The following RBFOX3 variants were observed in gnomAD, a reference collection of about 807,000 sequenced individuals.
The protein encoded by RBFOX3 is RNA binding fox-1 homolog 3, also known as RNA binding protein fox-1 homolog 3.
RBFOX3 carries 17 observed loss-of-function variants against 48.7 expected under a neutral mutation model. The observed-to-expected ratio is 0.35, with a 90% CI of 0.24 to 0.52. The LOEUF is 0.52. Ranked by LOEUF, RBFOX3 falls within the 20% of genes least tolerant of loss-of-function variation. The probability of loss-of-function intolerance (pLI) is 0.94; values close to 1 mark genes in which losing one functional copy is unlikely to be tolerated. For missense variants in RBFOX3, 382 were observed against 497.5 expected, an observed-to-expected ratio of 0.77 and a Z score of 2.21; for synonymous variants, 212 against 209.5, an observed-to-expected ratio of 1.01 and a Z score of -0.10.
chr17:79,491,510 G>A (rs1410838534), intron 1 of RBFOX3, among the ~76,000 whole-genome samples: 2 of 152,010 alleles, frequency 1.3e-5, no homozygotes, highest in Non-Finnish European at 2.9e-5. Flanking sequence ...CTACGGAAGG[G>A]CGGATGGAGT....
chr17:79,210,989 G>A (rs563232802), intron 4 of RBFOX3, among the ~76,000 whole-genome samples: 2 of 152,098 alleles, frequency 1.3e-5, no homozygotes, highest in South Asian at 4.2e-4. Context: ...AACAGGAGGA[G>A]GTTGCCTGCA....
At position 79,230,420 on chromosome 17, in the gene RBFOX3, C is replaced by T. The variant is rs556470185; in HGVS notation, c.-34+5346G>A. ...GACTACAGTCACCCGCCACCATACC[C>T]GGCTAATTTTTTGTATTTTTAGTAG... On this transcript the variant is annotated intron_variant, in intron 4 of 14. Transcript: ENST00000693108. Among the ~76,000 whole-genome samples, 145 of 151,986 alleles carry T rather than the reference C, an allele frequency of 9.5e-4. 1 individual carries two copies. In the South Asian group the frequency reaches 0.026, roughly 28 times the overall value.
At chr17:79,389,215 C>T (rs2061002309) in intron 2 of RBFOX3, among the ~76,000 whole-genome samples, 1 of 152,208 alleles carries the variant, frequency 6.6e-6, no homozygotes, top group African/African-American at 2.4e-5. Context: ...CACCAAACCT[C>T]GGGTCACTCA....
intron 1 of RBFOX3, among the ~76,000 whole-genome samples, chr17:79,593,190 C>A (rs2145147746): frequency 6.6e-6 from 1 of 152,300 alleles, no homozygotes; most frequent in African/African-American, 2.4e-5. Context: ...CCCCAGGAGA[C>A]CCCACATCCC....
At chr17:79,230,109 G>GC (rs1159671522) in intron 4 of RBFOX3, among the ~76,000 whole-genome samples, 2 of 151,976 alleles carry the variant, frequency 1.3e-5, no homozygotes, top group Non-Finnish European at 2.9e-5. Flanking sequence ...GGGGGGTGCC[G>GC]CCCAGAGGCA....
chr17:79,109,160 G>A (rs2078016563), intron 5 of RBFOX3, among the ~76,000 whole-genome samples: 4 of 152,226 alleles, frequency 2.6e-5, no homozygotes, highest in Admixed American at 2.6e-4. Context: ...GACCCCAAGA[G>A]GTGGAAAATG....
At chr17:79,560,375 C>T (rs2092130492) in intron 1 of RBFOX3, among the ~76,000 whole-genome samples, 1 of 152,184 alleles carries the variant, frequency 6.6e-6, no homozygotes, top group African/African-American at 2.4e-5. Flanking sequence ...CATCCCACTG[C>T]AAATGAAGTG....
intron 3 of RBFOX3, among the ~76,000 whole-genome samples, chr17:79,302,802 A>G (rs1433793238): frequency 6.6e-6 from 1 of 152,224 alleles, no homozygotes; most frequent in East Asian, 1.9e-4. Flanking sequence ...TTTTAAAACA[A>G]AATAATATTT....
rs61172580 is a variant in RBFOX3 at position 79,390,393 on chromosome 17, G to A, written c.-174-82569C>T. On this transcript the variant is annotated intron_variant, in intron 2 of 14. Transcript: ENST00000693108. The surrounding 1 kb of genome is among the most constrained non-coding windows in gnomAD (Gnocchi z 4.2). ...CCAGGTGACGGGTTCCAGCTCATTC[G>A]GGGCTCAGCCCCATCTGCCCACTTT... is the stretch of plus-strand genomic sequence containing the variant. Among the ~76,000 whole-genome samples the A allele has an allele frequency of 5.2e-3, 793 of 152,250 alleles. 11 individuals carry two copies. Among genetic ancestry groups the A allele is most frequent in the African/African-American group, 0.018 (766 of 41,530 alleles).
At chr17:79,336,080 C>G (rs745993447) in intron 2 of RBFOX3, among the ~76,000 whole-genome samples, 1 of 152,138 alleles carries the variant, frequency 6.6e-6, no homozygotes, top group Non-Finnish European at 1.5e-5. Context: ...CCCATCACAC[C>G]CGTTCTTTTA....
intron 1 of RBFOX3, among the ~76,000 whole-genome samples, chr17:79,571,937 T>C (rs1258823455): frequency 2.6e-5 from 4 of 152,166 alleles, no homozygotes; most frequent in Admixed American, 2.6e-4. Context: ...CCTATCTCAC[T>C]GCCGACCCCT....
chr17:79,090,730 C>G lies in RBFOX3; in HGVS notation c.*153G>C. 1 of 970,872 alleles carries G rather than the reference C, an allele frequency of 1.0e-6. No homozygotes were observed. 60.1% of individuals were successfully genotyped at this position (970,872 alleles called of 1,614,324 possible). ...TCGGTGCGGGCGTGTGGCCAGGACG[C>G]GGGACTTGGACTTGGTTGGATGCCT... On this transcript the variant is annotated 3_prime_UTR_variant, in exon 15 of 15. Transcript: ENST00000693108.
chr17:79,526,623 C>CA (rs1181786465), intron 1 of RBFOX3, among the ~76,000 whole-genome samples: 2 of 152,106 alleles, frequency 1.3e-5, no homozygotes, highest in Non-Finnish European at 2.9e-5. Context: ...ACCACAAAGG[C>CA]AATAGGGGAA....
At chr17:79,291,456 C>T (rs184166938) in intron 3 of RBFOX3, among the ~76,000 whole-genome samples, 10 of 152,296 alleles carry the variant, frequency 6.6e-5, no homozygotes, top group Admixed American at 3.3e-4. Context: ...CTGCAGCCCT[C>T]GGCTTCAAGT....
Position 79,396,038 on chromosome 17 carries a change from AG to A in RBFOX3, c.-175+86415del, listed in dbSNP as rs541529622. Among the ~76,000 whole-genome samples the A allele has an allele frequency of 9.2e-5, 14 of 152,314 alleles. No individual in the cohort carries two copies. In the East Asian group the frequency reaches 2.7e-3, roughly 29 times the overall value. On this transcript the variant is annotated intron_variant, in intron 2 of 14. Transcript: ENST00000693108. ...GTGTCATCTGGATGCTCAAGCTGCC[AG>A]GACCTGAGGATGTCTGAGCCCCTGA... is the stretch of plus-strand genomic sequence containing the variant.
intron 4 of RBFOX3, among the ~76,000 whole-genome samples, chr17:79,129,096 A>G (rs1332943638): frequency 6.6e-6 from 1 of 152,168 alleles, no homozygotes; most frequent in Non-Finnish European, 1.5e-5. Flanking sequence ...CGGTTCAGGC[A>G]CATGGCAGGT....
At chr17:79,422,684 C>T (rs1257738745) in intron 2 of RBFOX3, among the ~76,000 whole-genome samples, 2 of 72,416 alleles carry the variant, frequency 2.8e-5, no homozygotes, top group African/African-American at 4.6e-5. Context: ...GGCGGGAACC[C>T]GGGGTGCACC....
At chr17:79,307,181 C>T (rs1381874652) in intron 3 of RBFOX3, among the ~76,000 whole-genome samples, 1 of 152,238 alleles carries the variant, frequency 6.6e-6, no homozygotes, top group Non-Finnish European at 1.5e-5. Flanking sequence ...CTCGCATGAG[C>T]AGCGTGTCCG....
At chr17:79,407,269 A>T (rs979941743) in intron 2 of RBFOX3, among the ~76,000 whole-genome samples, 1 of 152,234 alleles carries the variant, frequency 6.6e-6, no homozygotes, top group Non-Finnish European at 1.5e-5. Context: ...CGGCCTCCCA[A>T]AGTGCCGGGA....
Sources: gnomAD v4.1 joint callset for allele counts (sites outside exome capture counted in the v4.1 genomes callset) on GRCh38, gnomAD v4.1.1 for gene constraint, Gnocchi (gnomAD v3.1) non-coding constraint, MANE v1.5 for transcripts, NCBI Gene and HGNC (gene_info 2026-07-23, HGNC 2026-07-21) for gene names.